CCDC80: variants seen among roughly 807,000 people sequenced by gnomAD.
CCDC80 encodes coiled-coil domain containing 80.
CCDC80 carries 49 observed loss-of-function variants against 78.7 expected under a neutral mutation model. The ratio of observed to expected loss-of-function variants is 0.62; its 90% CI spans 0.50 to 0.79. CCDC80 has a LOEUF of 0.79. Among genes scored for constraint, CCDC80 ranks in the 30% least tolerant of loss-of-function variants. The pLI is 0.00. For synonymous variants in CCDC80, 488 were observed against 447.0 expected, an observed-to-expected ratio of 1.09 and a Z score of -1.16; for missense variants, 1,205 against 1,198.6, an observed-to-expected ratio of 1.01 and a Z score of -0.08.
chr3:112,636,111 G>A (rs1387473242), intron 2 of CCDC80, among the ~76,000 whole-genome samples: 1 of 152,184 alleles, frequency 6.6e-6, no homozygotes, highest in Non-Finnish European at 1.5e-5. Flanking sequence ...AATGAACAGA[G>A]TTGGGTGATG....
intron 5 of CCDC80, among the ~76,000 whole-genome samples, chr3:112,615,359 T>C (rs1935712516): frequency 6.6e-6 from 1 of 152,136 alleles, no homozygotes; most frequent in Non-Finnish European, 1.5e-5. Flanking sequence ...ATTACATGCT[T>C]GCTTGGTTTC....
At chr3:112,607,407 T>C (rs1935535587) in intron 6 of CCDC80, 151 bp from the exon 7 acceptor site, 8 of 497,812 alleles carry the variant, frequency 1.6e-5, no homozygotes, top group Non-Finnish European at 2.8e-5. Context: ...ATTTTAAATT[T>C]TTACCATAAG....
chr3:112,613,914 T>C (rs1262739480), intron 5 of CCDC80, among the ~76,000 whole-genome samples: 1 of 151,832 alleles, frequency 6.6e-6, no homozygotes, highest in Non-Finnish European at 1.5e-5. Flanking sequence ...AAATATATTA[T>C]TGTGAAGCTT....
At chr3:112,623,683 T>C (rs1935911655) in intron 3 of CCDC80, among the ~76,000 whole-genome samples, 1 of 152,192 alleles carries the variant, frequency 6.6e-6, no homozygotes. Context: ...GGAGAAAATC[T>C]AAATCCTTGT....
intron 4 of CCDC80, 29 bp from the exon 5 acceptor site, chr3:112,616,887 A>C: frequency 1.2e-6 from 2 of 1,605,038 alleles, no homozygotes; most frequent in South Asian, 2.2e-5. Context: ...AATGCATTTA[A>C]TGTACAAGTG....
chr3:112,616,037 C>T (rs946690937), intron 5 of CCDC80, among the ~76,000 whole-genome samples: 25 of 152,286 alleles, frequency 1.6e-4, no homozygotes, highest in African/African-American at 3.4e-4. Flanking sequence ...CTTTCTTGCG[C>T]GAGATCCAAG....
At chr3:112,616,434 G>GAAAAAAAAAAAAAAAAAAAAA (rs138795484) in intron 5 of CCDC80, among the ~76,000 whole-genome samples, 1 of 35,950 alleles carries the variant, frequency 2.8e-5, no homozygotes, top group Non-Finnish European at 6.8e-5. Flanking sequence ...CAAAGAAAGA[G>GAAAAAAAAAAAAAAAAAAAAA]AAAAAAAAAG....
chr3:112,624,891 C>T (rs569332282), intron 3 of CCDC80, among the ~76,000 whole-genome samples: 1 of 152,328 alleles, frequency 6.6e-6, no homozygotes, highest in South Asian at 2.1e-4. Context: ...CTCTTATCCT[C>T]TACCTAGCCT....
rs899371052 is a variant in CCDC80 at position 112,598,981 on chromosome 3, T to TG, written c.*6435dup. The TG allele has an allele frequency of 2.0e-5, 3 of 152,226 alleles. No homozygotes were observed. The highest frequency in any genetic ancestry group is 7.2e-5 in the African/African-American group (3 of 41,450). 9.4% of individuals were successfully genotyped at this position (152,226 alleles called of 1,614,324 possible). ...GAACTGGGTTCTGAACTGAGAAGTC[T>TG]GGGTTCCCTGAGAATTGGACATCAG... On this transcript the variant is annotated 3_prime_UTR_variant, in exon 8 of 8. Transcript: ENST00000206423.
At chr3:112,616,984 T>C in intron 4 of CCDC80, 126 bp from the exon 5 acceptor site, 1 of 899,598 alleles carries the variant, frequency 1.1e-6, no homozygotes, top group Non-Finnish European at 1.7e-6. Flanking sequence ...GCCTAGAAGA[T>C]TCATTGCTTC....
chr3:112,634,670 T>C (rs1051930321), intron 2 of CCDC80, among the ~76,000 whole-genome samples: 13 of 152,240 alleles, frequency 8.5e-5, no homozygotes, highest in Non-Finnish European at 1.5e-4. Flanking sequence ...AGGTTGACAA[T>C]GAATTTTTAA....
At chr3:112,621,585 T>C (rs12491131) in intron 3 of CCDC80, among the ~76,000 whole-genome samples, 101,056 of 152,190 alleles carry the variant, frequency 0.66, 37,411 homozygotes, top group Non-Finnish European at 0.83. Flanking sequence ...ATTATGGCAA[T>C]AGAAAACTGA....
Position 112,603,971 on chromosome 3 carries a change from A to G in CCDC80, c.*1446T>C, listed in dbSNP as rs1229747629. 3 of 152,242 alleles carry G rather than the reference A, an allele frequency of 2.0e-5. No homozygotes were observed. The highest frequency in any genetic ancestry group is 2.9e-5 in the Non-Finnish European group (2 of 68,056). The allele number at this position is 152,242 out of a possible 1,614,324, so 9.4% of individuals were successfully genotyped here. On this transcript the variant is annotated 3_prime_UTR_variant, in exon 8 of 8. Coordinates refer to ENST00000206423, the MANE Select transcript of CCDC80 (RefSeq NM_199511.3). ...CATTGGAGGAAGCTCTGCTATAGAC[A>G]TAGTGGAAATAGCAAGAGAACTGGA...
Position 112,610,074 on chromosome 3 carries a change from A to G in CCDC80, c.2329T>C (p.Trp777Arg), listed in dbSNP as rs751781820. The G allele has an allele frequency of 6.2e-7, 1 of 1,613,130 alleles. No homozygotes were observed. ...SLENFLSRFR[W>R]RRRLLVISAP... ...GAGATCACCAGCAACCTCCTCCTCC[A>G]CCGGAACCTGGAAAAAAAAAGCAGG... The change falls in exon 6 of 8, where the codon TGG becomes CGG. Residue 777 changes from tryptophan (W) to arginine (R), a missense_variant. Trp to Arg is a moderately radical substitution (Grantham distance 101). Coordinates refer to ENST00000206423, the MANE Select transcript of CCDC80 (RefSeq NM_199511.3).
intron 5 of CCDC80, among the ~76,000 whole-genome samples, chr3:112,615,459 A>G (rs942428760): frequency 2.6e-5 from 4 of 151,974 alleles, no homozygotes; most frequent in African/African-American, 9.6e-5. Context: ...GCAGCTTTGC[A>G]CCTCCTAGGG....
intron 6 of CCDC80, among the ~76,000 whole-genome samples, chr3:112,607,903 C>T (rs1297337806): frequency 1.3e-5 from 2 of 152,232 alleles, no homozygotes; most frequent in African/African-American, 4.8e-5. Flanking sequence ...GAAAAGACTA[C>T]AGACTCCATC....
intron 3 of CCDC80, 137 bp downstream of exon 3, chr3:112,629,976 T>C (rs148313919): frequency 1.3e-6 from 1 of 754,948 alleles, no homozygotes; most frequent in East Asian, 2.7e-5. Flanking sequence ...GCAGGCAAAC[T>C]GACCTGTGTT....
At chr3:112,634,746 C>T (rs1353275765) in intron 2 of CCDC80, among the ~76,000 whole-genome samples, 1 of 152,206 alleles carries the variant, frequency 6.6e-6, no homozygotes, top group African/African-American at 2.4e-5. Flanking sequence ...GATCATTCCT[C>T]AGTTTCCCCT....
At chr3:112,624,181 T>A (rs1935920274) in intron 3 of CCDC80, among the ~76,000 whole-genome samples, 1 of 152,244 alleles carries the variant, frequency 6.6e-6, no homozygotes, top group Non-Finnish European at 1.5e-5. Context: ...TTTGATCTTG[T>A]GAACCCGCAA....
Sources: gnomAD v4.1 joint callset for allele counts (sites outside exome capture counted in the v4.1 genomes callset) on GRCh38, gnomAD v4.1.1 for gene constraint, MANE v1.5 for transcripts, NCBI Gene and HGNC (gene_info 2026-07-23, HGNC 2026-07-21) for gene names.